Variants in AHR observed in about 807,000 individuals in gnomAD.
The protein encoded by AHR is aryl hydrocarbon receptor.
In AHR, 40 loss-of-function variants were observed where a neutral mutation model predicts 86.8. The observed-to-expected ratio is 0.46, with a 90% CI of 0.36 to 0.60. The LOEUF (loss-of-function observed/expected upper bound fraction) is 0.60. AHR is among the 20% of genes least tolerant of loss of function. The pLI is 0.00. For missense variants in AHR, 1,001 were observed against 1,011.6 expected (o/e 0.99, Z 0.14); for synonymous variants, 398 against 354.9 (o/e 1.12, Z -1.37).
At chr7:17,329,219 T>G (rs1026480717) in intron 4 of AHR, among the ~76,000 whole-genome samples, 1 of 151,944 alleles carries the variant, frequency 6.6e-6, no homozygotes, top group South Asian at 2.1e-4. Context: ...TATCAAACTG[T>G]TTTTTAGTTG....
intron 9 of AHR, among the ~76,000 whole-genome samples, chr7:17,336,510 A>G (rs1030966490): frequency 6.6e-6 from 1 of 152,124 alleles, no homozygotes; most frequent in Admixed American, 6.5e-5. Flanking sequence ...TTCTCCTTCA[A>G]GATTGCCTTG....
intron 3 of AHR, among the ~76,000 whole-genome samples, chr7:17,325,275 T>A (rs1190686009): frequency 6.6e-6 from 1 of 152,222 alleles, no homozygotes; most frequent in East Asian, 1.9e-4. Context: ...TAATAACATT[T>A]GTCTAAAGAG....
intron 9 of AHR, among the ~76,000 whole-genome samples, chr7:17,337,510 T>C (rs943696074): frequency 2.0e-5 from 3 of 150,058 alleles, no homozygotes; most frequent in Admixed American, 6.6e-5. Context: ...AGTCTCGCTC[T>C]GTCGCCCAGG....
In AHR at chr7:17,327,774, G is replaced by A. The variant is rs1284210485; in HGVS notation, c.376G>A (p.Val126Ile). ...EFLLQALNGFVLVVTTDALVF... is the reference protein window; with the variant it reads ...EFLLQALNGFILVVTTDALVF... The stretch of plus-strand genomic sequence containing the variant: ...TTCCTTGTAGGCTCTGAATGGCTTT[G>A]TATTAGTTGTCACTACAGATGCTTT... The change falls in exon 4 of 11, where the codon GTA becomes ATA. Residue 126 changes from valine to isoleucine, a missense_variant. Val to Ile is a conservative substitution (Grantham distance 29, BLOSUM62 3). Around this residue, in one of 2 missense-constraint regions of AHR, gnomAD observed 394 missense variants for 468.5 expected, o/e 0.84. Transcript: ENST00000242057. The A allele has an allele frequency of 1.4e-5, 22 of 1,571,182 alleles. No homozygotes were observed. The highest frequency in any genetic ancestry group is 1.9e-5 in the Non-Finnish European group (22 of 1,152,638).
At chr7:17,320,859 C>T (rs1457240472) in intron 2 of AHR, among the ~76,000 whole-genome samples, 1 of 152,074 alleles carries the variant, frequency 6.6e-6, no homozygotes. Context: ...AAGTTACATT[C>T]AGAGACCGTG....
chr7:17,334,792 C>T (rs1349228290), intron 7 of AHR, 95 bp from the exon 8 acceptor site: 7 of 811,212 alleles, frequency 8.6e-6, no homozygotes, highest in East Asian at 2.7e-5. Flanking sequence ...AAACATATTG[C>T]AGAAACTAGC....
rs1170011506 is a variant in AHR, at chr7:17,298,895, A to C, written c.-370A>C. On this transcript the variant is annotated 5_prime_UTR_variant, in exon 1 of 11. Transcript: ENST00000242057. ...GGCGCGGCGCCACCGTGAGCGACCC[A>C]GGCCAGGATTCTAAATAGACGGCCC... 1 of 403,110 alleles carries C rather than the reference A, an allele frequency of 2.5e-6. No individual in the cohort carries two copies. The highest frequency in any genetic ancestry group is 4.4e-5 in the Admixed American group (1 of 22,672). 25.0% of individuals were successfully genotyped at this position (403,110 alleles called of 1,614,324 possible).
intron 1 of AHR, among the ~76,000 whole-genome samples, chr7:17,303,739 A>AT (rs914852893): frequency 6.6e-6 from 1 of 151,958 alleles, no homozygotes; most frequent in Non-Finnish European, 1.5e-5. Flanking sequence ...ATGCAAATTT[A>AT]TTTTTTTAGG....
chr7:17,325,023 T>C (rs1250746360), intron 3 of AHR, among the ~76,000 whole-genome samples: 1 of 152,206 alleles, frequency 6.6e-6, no homozygotes, highest in Non-Finnish European at 1.5e-5. Flanking sequence ...AAATTTTATA[T>C]AACAGTATTG....
chr7:17,338,548 G>A (rs1474643387), intron 9 of AHR, among the ~76,000 whole-genome samples: 4 of 151,880 alleles, frequency 2.6e-5, no homozygotes, highest in African/African-American at 9.7e-5. Context: ...AGAGGTGAGG[G>A]TCTTGCCATG....
intron 1 of AHR, among the ~76,000 whole-genome samples, chr7:17,299,635 A>G (rs888527438): frequency 6.6e-6 from 1 of 152,212 alleles, no homozygotes; most frequent in African/African-American, 2.4e-5. Context: ...GACAGCTCTG[A>G]TCTGCCTTGG....
At chr7:17,304,939 AG>A (rs908953984) in intron 1 of AHR, among the ~76,000 whole-genome samples, 3 of 151,914 alleles carry the variant, frequency 2.0e-5, no homozygotes, top group Admixed American at 2.0e-4. Context: ...AAGAAGGGGG[AG>A]GGGAAACAAT....
In AHR at chr7:17,340,065, A is replaced by G. The variant is rs753910997; in HGVS notation, c.2240A>G (p.Asn747Ser). 6 of 1,614,154 alleles carry G rather than the reference A, an allele frequency of 3.7e-6. No individual in the cohort carries two copies. In the Admixed American group the frequency reaches 1.0e-4, roughly 27 times the overall value. The part of the protein sequence containing the change: ...DFVTCLQLPE[N>S]QKHGLNPQSA... Reference sequence around the variant, plus strand: ...GTCACTTGTTTACAACTTCCTGAAAACCAAAAGCATGGATTAAATCCACAG... The same window carrying G: ...GTCACTTGTTTACAACTTCCTGAAAGCCAAAAGCATGGATTAAATCCACAG... The change falls in exon 10 of 11, where the codon AAC becomes AGC. Residue 747 changes from asparagine to serine, a missense_variant. By Grantham distance (46) the Asn-to-Ser change is conservative. This residue lies in a region of AHR where 607 missense variants were observed against 543.1 expected (regional missense o/e 1.12). Transcript: ENST00000242057.
intron 9 of AHR, 114 bp from the exon 10 acceptor site, chr7:17,338,872 C>T (rs1584042918): frequency 1.9e-6 from 2 of 1,059,070 alleles, no homozygotes; most frequent in Admixed American, 3.1e-5. Flanking sequence ...AAATATGTCC[C>T]TTTCTGAATT....
At chr7:17,336,874 T>C (rs1782359428) in intron 9 of AHR, among the ~76,000 whole-genome samples, 1 of 152,086 alleles carries the variant, frequency 6.6e-6, no homozygotes, top group Non-Finnish European at 1.5e-5. Context: ...TTTTTTCTAT[T>C]TTATACATTT....
At chr7:17,310,264 G>C in intron 2 of AHR, 141 bp downstream of exon 2, 1 of 757,744 alleles carries the variant, frequency 1.3e-6, no homozygotes, top group Non-Finnish European at 2.0e-6. Flanking sequence ...CAGTGGCAAA[G>C]CCAGATTTAT....
chr7:17,311,563 G>A (rs900182902), intron 2 of AHR, among the ~76,000 whole-genome samples: 1 of 152,046 alleles, frequency 6.6e-6, no homozygotes, highest in Non-Finnish European at 1.5e-5. Flanking sequence ...TTGCTCTCCC[G>A]TCTTTCTTTT....
At chr7:17,337,765 G>A (rs923679044) in intron 9 of AHR, among the ~76,000 whole-genome samples, 4 of 151,560 alleles carry the variant, frequency 2.6e-5, no homozygotes, top group African/African-American at 4.8e-5. Flanking sequence ...GTGAGCCACC[G>A]CGCCCGGCCC....
intron 7 of AHR, among the ~76,000 whole-genome samples, chr7:17,334,349 G>A (rs554491923): frequency 1.4e-4 from 22 of 151,886 alleles, no homozygotes; most frequent in African/African-American, 5.3e-4. Context: ...TATTAGTAAG[G>A]TTTATTCTTC....
Sources: gnomAD v4.1 joint callset for allele counts (sites outside exome capture counted in the v4.1 genomes callset) on GRCh38, gnomAD v4.1.1 for gene constraint, gnomAD v4.1.1 regional missense constraint, MANE v1.5 for transcripts, NCBI Gene and HGNC (gene_info 2026-07-23, HGNC 2026-07-21) for gene names.